Variants in CFHR2 observed in about 807,000 individuals in gnomAD.
The protein encoded by CFHR2 is complement factor H related 2.
A neutral mutation model predicts 21.7 loss-of-function variants in CFHR2; 22 were observed. The ratio of observed to expected loss-of-function variants is 1.01; its 90% CI spans 0.72 to 1.45. CFHR2 has a LOEUF of 1.45. CFHR2 is among the 40% of genes most tolerant of loss of function. CFHR2 has a pLI of 0.00. For missense variants in CFHR2, 294 were observed against 293.3 expected (o/e 1.00, Z -0.02); for synonymous variants, 98 against 97.4 (o/e 1.01, Z -0.04).
In CFHR2 at chr1:196,947,437, G is replaced by T. The variant is rs536032279; in HGVS notation, c.59-2018G>T. Among the ~76,000 whole-genome samples the T allele has an allele frequency of 7.6e-3, 1,164 of 152,256 alleles. 19 individuals carry two copies. The highest frequency in any genetic ancestry group is 0.027 in the African/African-American group (1,112 of 41,560). ...GAAAATAAACTACTATAATTTTGGA[G>T]GAGTGAAGGATAACTAAAAGAGTTA... On this transcript the variant is annotated intron_variant, in intron 1 of 4. Coordinates refer to ENST00000367415, the MANE Select transcript of CFHR2 (RefSeq NM_005666.4).
intron 4 of CFHR2, among the ~76,000 whole-genome samples, 162 bp downstream of exon 4, chr1:196,958,235 C>T (rs970491778): frequency 6.6e-6 from 1 of 151,924 alleles, no homozygotes; most frequent in Non-Finnish European, 1.5e-5. Flanking sequence ...AGAAATTTTT[C>T]TCTTTATATT....
chr1:196,947,820 T>C (rs1158329431), intron 1 of CFHR2, among the ~76,000 whole-genome samples: 1 of 104,146 alleles, frequency 9.6e-6, no homozygotes, highest in Non-Finnish European at 2.2e-5. Context: ...ACCCATGGAA[T>C]GTACAACATC....
rs940228398 is a variant in CFHR2 at position 196,959,216 on chromosome 1, T to C, written c.*136T>C. 1.2e-5 allele frequency: 8 copies of C among 677,936 alleles called. No homozygotes were observed. The highest frequency in any genetic ancestry group is 3.6e-5 in the African/African-American group (2 of 55,002). 42.0% of individuals were successfully genotyped at this position (677,936 alleles called of 1,614,324 possible). ...AAAGTTTTGTGTTGATTTGTGAAAA[T>C]GCAATTACAATCTGAGATGTGTCAC... On this transcript the variant is annotated 3_prime_UTR_variant, in exon 5 of 5. Coordinates refer to ENST00000367415, the MANE Select transcript of CFHR2 (RefSeq NM_005666.4).
At chr1:196,951,179 G>A in intron 3 of CFHR2, 151 bp downstream of exon 3, 3 of 976,820 alleles carry the variant, frequency 3.1e-6, no homozygotes, top group Non-Finnish European at 4.5e-6. Flanking sequence ...TTGTGTCTAA[G>A]TGGATGTGCA....
chr1:196,954,585 A>G (rs1652795601), intron 3 of CFHR2, among the ~76,000 whole-genome samples: 3 of 151,998 alleles, frequency 2.0e-5, no homozygotes, highest in East Asian at 1.9e-4. Flanking sequence ...TTCTCCATGA[A>G]CCTGCAGACT....
chr1:196,957,646 C>T (rs1217909070), intron 3 of CFHR2, among the ~76,000 whole-genome samples: 1 of 152,074 alleles, frequency 6.6e-6, no homozygotes, highest in Non-Finnish European at 1.5e-5. Context: ...TTTAGAAAAA[C>T]ATTTCTTAAT....
intron 1 of CFHR2, among the ~76,000 whole-genome samples, chr1:196,947,306 A>T (rs1185687588): frequency 6.6e-6 from 1 of 152,192 alleles, no homozygotes; most frequent in Non-Finnish European, 1.5e-5. Context: ...CACAATGAAT[A>T]CTTGATGAAT....
At chr1:196,947,230 G>A (rs1285863326) in intron 1 of CFHR2, among the ~76,000 whole-genome samples, 2 of 151,914 alleles carry the variant, frequency 1.3e-5, no homozygotes, top group South Asian at 4.2e-4. Context: ...TTTTGAAGTG[G>A]GTGGTTGTGT....
intron 1 of CFHR2, among the ~76,000 whole-genome samples, chr1:196,948,094 G>A (rs1571483763): frequency 6.6e-6 from 1 of 151,838 alleles, no homozygotes; most frequent in Admixed American, 6.6e-5. Flanking sequence ...CTGCACCATC[G>A]TGTATATGGA....
intron 3 of CFHR2, among the ~76,000 whole-genome samples, chr1:196,954,426 T>A (rs946942317): frequency 6.6e-6 from 1 of 152,226 alleles, no homozygotes; most frequent in Non-Finnish European, 1.5e-5. Context: ...CCTTTCCAGG[T>A]GCATAGTACA....
chr1:196,944,808 G>T (rs564047421), intron 1 of CFHR2, among the ~76,000 whole-genome samples: 1 of 151,522 alleles, frequency 6.6e-6, no homozygotes, highest in African/African-American at 2.4e-5. Flanking sequence ...AGAACAACAT[G>T]AACAATAACA....
chr1:196,952,819 A>G (rs1452186620), intron 3 of CFHR2, among the ~76,000 whole-genome samples: 1 of 152,224 alleles, frequency 6.6e-6, no homozygotes, highest in African/African-American at 2.4e-5. Context: ...TTGCTTCAAA[A>G]CTTAGCACAT....
chr1:196,957,821 G>C, intron 3 of CFHR2, 70 bp from the exon 4 acceptor site: 2 of 1,391,934 alleles, frequency 1.4e-6, no homozygotes, highest in Non-Finnish European at 2.0e-6. Context: ...AAAGTGCCTT[G>C]TTTGCATTTG....
At chr1:196,952,253 G>C (rs1370323345) in intron 3 of CFHR2, among the ~76,000 whole-genome samples, 1 of 152,124 alleles carries the variant, frequency 6.6e-6, no homozygotes, top group Non-Finnish European at 1.5e-5. Context: ...TTCAACCTGG[G>C]CAACAGAGTG....
At chr1:196,951,636 A>G (rs1659729936) in intron 3 of CFHR2, among the ~76,000 whole-genome samples, 3 of 152,062 alleles carry the variant, frequency 2.0e-5, no homozygotes, top group South Asian at 2.1e-4. Flanking sequence ...GCCCAGCCCA[A>G]TAAGATTCCG....
At chr1:196,952,462 G>T (rs1311605005) in intron 3 of CFHR2, among the ~76,000 whole-genome samples, 2 of 152,132 alleles carry the variant, frequency 1.3e-5, no homozygotes, top group Non-Finnish European at 2.9e-5. Flanking sequence ...ATTGAATAGG[G>T]TTTAGGATTT....
At position 196,958,045 on chromosome 1, in the gene CFHR2, ACAATGGTCAGAACCAC is replaced by A; in HGVS notation, c.589_604del (p.Trp197AsnfsTer3). 1 of 1,613,664 alleles carries A rather than the reference ACAATGGTCAGAACCAC, an allele frequency of 6.2e-7. No individual in the cohort carries two copies. The highest frequency in any genetic ancestry group is 1.1e-5 in the South Asian group (1 of 91,076). On this transcript the variant is annotated frameshift_variant, in exon 4 of 5. Transcript: ENST00000367415. LOFTEE classifies it low-confidence loss of function (END_TRUNC). ...ACAATCAAATAACATGTAGAAACGG[ACAATGGTCAGAACCAC>A]CAAAATGCTTAGGTAAGTACTTTAA...
chr1:196,952,606 G>C (rs1193057385), intron 3 of CFHR2, among the ~76,000 whole-genome samples: 1 of 152,158 alleles, frequency 6.6e-6, no homozygotes, highest in African/African-American at 2.4e-5. Context: ...TTGACCAGCT[G>C]TATCCCATAC....
At chr1:196,955,816 C>T (rs1186233324) in intron 3 of CFHR2, among the ~76,000 whole-genome samples, 3 of 152,046 alleles carry the variant, frequency 2.0e-5, no homozygotes, top group African/African-American at 7.2e-5. Flanking sequence ...CACTGTACTG[C>T]AGTCTGGGTG....
Sources: allele counts gnomAD v4.1 joint callset (sites outside exome capture counted in the v4.1 genomes callset), GRCh38; gene constraint gnomAD v4.1.1; transcripts MANE v1.5; gene names NCBI Gene and HGNC (gene_info 2026-07-23, HGNC 2026-07-21).